Variants in SCUBE2 observed in about 807,000 individuals in gnomAD.
SCUBE2 encodes the protein signal peptide, CUB and EGF-like domain-containing protein 2.
SCUBE2 carries 114 observed loss-of-function variants against 125.9 expected under a neutral mutation model. The observed-to-expected ratio is 0.91, with a 90% confidence interval of 0.78 to 1.06. The LOEUF is 1.06. Ranked by LOEUF, SCUBE2 falls within the 50% of genes least tolerant of loss-of-function variation. The probability of loss-of-function intolerance (pLI) is 0.00; values close to 1 mark genes in which losing one functional copy is unlikely to be tolerated. For missense variants in SCUBE2, 1,255 were observed against 1,301.8 expected (o/e 0.96, Z 0.55); for synonymous variants, 459 against 492.9 (o/e 0.93, Z 0.91).
At chr11:9,068,209 C>T (rs1340958756) in intron 5 of SCUBE2, among the ~76,000 whole-genome samples, 11 of 152,148 alleles carry the variant, frequency 7.2e-5, no homozygotes, top group South Asian at 4.1e-4. Context: ...CACCAAATGG[C>T]AGGGGTCTTC....
intron 16 of SCUBE2, among the ~76,000 whole-genome samples, chr11:9,045,610 GACACAC>G (rs72142315): frequency 0.21 from 20,499 of 98,758 alleles, 1,533 homozygotes; most frequent in East Asian, 0.38. Context: ...CAGACAGACA[GACACAC>G]ACACACACAC....
At chr11:9,047,247 C>A in intron 16 of SCUBE2, 109 bp downstream of exon 16, 1 of 1,131,516 alleles carries the variant, frequency 8.8e-7, no homozygotes. Flanking sequence ...GGAGTGTTCT[C>A]TAAAGTGAGC....
intron 21 of SCUBE2, chr11:9,024,168 A>T (rs1855537571): frequency 1.4e-5 from 15 of 1,043,614 alleles, no homozygotes; most frequent in South Asian, 6.3e-5. Flanking sequence ...TTTTCATTTT[A>T]AAAAAAATCA....
chr11:9,046,152 A>C (rs1590051757), intron 16 of SCUBE2, among the ~76,000 whole-genome samples: 1 of 151,756 alleles, frequency 6.6e-6, no homozygotes. Flanking sequence ...GAGTATAGGC[A>C]CGCGCCACCA....
intron 16 of SCUBE2, among the ~76,000 whole-genome samples, chr11:9,046,210 A>T (rs1017161198): frequency 6.6e-6 from 1 of 151,628 alleles, no homozygotes; most frequent in Non-Finnish European, 1.5e-5. Context: ...GGGTTTCACC[A>T]TGCTGGCCAG....
chr11:9,069,588 T>C (rs1860584990), intron 4 of SCUBE2, 93 bp from the exon 5 acceptor site: 1 of 1,532,014 alleles, frequency 6.5e-7, no homozygotes, highest in African/African-American at 1.4e-5. Context: ...GGCCCACAGA[T>C]CTGTCTGCTT....
intron 21 of SCUBE2, among the ~76,000 whole-genome samples, chr11:9,024,006 A>G (rs1446183977): frequency 6.9e-6 from 1 of 144,772 alleles, no homozygotes; most frequent in African/African-American, 2.6e-5. Flanking sequence ...TATATGTTTG[A>G]AAAAAAAAAA....
At position 9,027,419 on chromosome 11, in the gene SCUBE2, C is replaced by T; in HGVS notation, c.2646G>A (p.Glu882=). The T allele has an allele frequency of 6.2e-7, 1 of 1,614,078 alleles. No individual in the cohort carries two copies. Among genetic ancestry groups the T allele is most frequent in the Non-Finnish European group, 8.5e-7 (1 of 1,180,016 alleles). ...PKRRILIVVP[E]IFLPIEDDCG... ...AGTCGTCCTCTATGGGCAGGAAGATCTCAGGGACCACGATCAGGATGCGGC... is the reference window on the plus strand; with the variant it reads ...AGTCGTCCTCTATGGGCAGGAAGATTTCAGGGACCACGATCAGGATGCGGC... Residue 882 remains glutamate, a synonymous_variant, in exon 20 of 23, where the codon GAG becomes GAA. Transcript: ENST00000649792.
intron 9 of SCUBE2, among the ~76,000 whole-genome samples, chr11:9,056,568 A>G (rs1056705828): frequency 2.0e-5 from 3 of 152,020 alleles, no homozygotes; most frequent in Admixed American, 6.6e-5. Flanking sequence ...CTCCTCCCCT[A>G]TGTGCCAGTC....
intron 3 of SCUBE2, among the ~76,000 whole-genome samples, chr11:9,077,151 C>T (rs1245872730): frequency 1.3e-5 from 2 of 152,208 alleles, no homozygotes; most frequent in Non-Finnish European, 2.9e-5. Context: ...AGCTGGTGAG[C>T]TTCTCCAGAC....
chr11:9,075,084 C>T (rs1328151822), intron 3 of SCUBE2, among the ~76,000 whole-genome samples: 2 of 151,790 alleles, frequency 1.3e-5, no homozygotes, highest in East Asian at 3.9e-4. Context: ...GGCATGGTGG[C>T]ACATGCCTGT....
rs918264804 is a variant in SCUBE2, at chr11:9,091,169, G to A, written c.133+227C>T. Reference sequence around the variant, plus strand: ...AGGCATCCGGACCGGGGCGGGAACCGTCAGCAGCTCCGGGTCCGAGGCCGG... The same window carrying A: ...AGGCATCCGGACCGGGGCGGGAACCATCAGCAGCTCCGGGTCCGAGGCCGG... On this transcript the variant is annotated intron_variant, in intron 1 of 22. Coordinates refer to ENST00000649792, the MANE Select transcript of SCUBE2 (RefSeq NM_001367977.2). This position sits in a 1 kb window ranked among gnomAD's most constrained non-coding sequence, Gnocchi z 8.5. Among the ~76,000 whole-genome samples the A allele has an allele frequency of 3.3e-5, 5 of 152,132 alleles. No homozygotes were observed. Among genetic ancestry groups the A allele is most frequent in the African/African-American group, 7.2e-5 (3 of 41,438 alleles).
chr11:9,048,671 A>AG (rs1158890718), intron 14 of SCUBE2, among the ~76,000 whole-genome samples: 15 of 152,254 alleles, frequency 9.9e-5, no homozygotes, highest in Admixed American at 9.8e-4. Flanking sequence ...AATATCATGA[A>AG]GGCATCTAGG....
chr11:9,055,993 G>T, intron 9 of SCUBE2, 84 bp from the exon 10 acceptor site: 1 of 997,120 alleles, frequency 1.0e-6, no homozygotes, highest in South Asian at 1.3e-5. Flanking sequence ...ACCAGTTGCT[G>T]ACCAACACCA....
chr11:9,031,996 T>G (rs1408118507), intron 17 of SCUBE2, among the ~76,000 whole-genome samples: 1 of 152,212 alleles, frequency 6.6e-6, no homozygotes, highest in African/African-American at 2.4e-5. Flanking sequence ...CACTGTAGCC[T>G]CGTGGAGTTG....
chr11:9,072,501 T>A (rs1159738081), intron 4 of SCUBE2, among the ~76,000 whole-genome samples: 1 of 152,046 alleles, frequency 6.6e-6, no homozygotes, highest in African/African-American at 2.4e-5. Context: ...AGCCACCACG[T>A]CTGGCACCAC....
chr11:9,074,348 G>T, intron 4 of SCUBE2, 133 bp downstream of exon 4: 2 of 1,118,480 alleles, frequency 1.8e-6, no homozygotes, highest in Non-Finnish European at 2.5e-6. Context: ...CGGCAGTGGA[G>T]TCTGGACTCG....
chr11:9,054,717 ATATATATATTTTTTT>A, intron 10 of SCUBE2, among the ~76,000 whole-genome samples: 2 of 65,928 alleles, frequency 3.0e-5, no homozygotes, highest in Admixed American at 1.6e-4. Context: ...ATATATATAT[ATATATATATTTTTTT>A]TTTTTTTTTT....
chr11:9,046,567 A>G (rs1335588523), intron 16 of SCUBE2, among the ~76,000 whole-genome samples: 1 of 152,146 alleles, frequency 6.6e-6, no homozygotes, highest in African/African-American at 2.4e-5. Flanking sequence ...CTGAGAGGCC[A>G]GGAGGGCCCT....
Sources: gnomAD v4.1 joint callset for allele counts (sites outside exome capture counted in the v4.1 genomes callset) on GRCh38, gnomAD v4.1.1 for gene constraint, Gnocchi (gnomAD v3.1) non-coding constraint, MANE v1.5 for transcripts, NCBI Gene and HGNC (gene_info 2026-07-23, HGNC 2026-07-21) for gene names.